Variants in KCNIP4 observed in about 807,000 individuals in gnomAD.
KCNIP4 encodes potassium voltage-gated channel interacting protein 4.
In KCNIP4, 12 loss-of-function variants were observed where a neutral mutation model predicts 34.0. The observed-to-expected ratio is 0.35, with a 90% CI of 0.23 to 0.57. The LOEUF (loss-of-function observed/expected upper bound fraction) is 0.57, where lower values mean the gene tolerates loss of function less well. KCNIP4 is among the 20% of genes least tolerant of loss of function. The probability of loss-of-function intolerance (pLI) is 0.83; values close to 1 mark genes in which losing one functional copy is unlikely to be tolerated. For synonymous variants in KCNIP4, 124 were observed against 102.2 expected (o/e 1.21, Z -1.29); for missense variants, 238 against 311.7 (o/e 0.76, Z 1.78).
chr4:21,744,115 TCTAATAAAC>T (rs1716610681), intron 1 of KCNIP4, among the ~76,000 whole-genome samples: 2 of 152,164 alleles, frequency 1.3e-5, no homozygotes, highest in Non-Finnish European at 2.9e-5. Context: ...GACTGGCTTT[TCTAATAAAC>T]ATTTTGCAGA....
At chr4:21,005,533 AT>A (rs1377570034) in intron 1 of KCNIP4, among the ~76,000 whole-genome samples, 1 of 152,182 alleles carries the variant, frequency 6.6e-6, no homozygotes, top group African/African-American at 2.4e-5. Context: ...TTTCATATTT[AT>A]TTATTACGTG....
Position 21,128,845 on chromosome 4 carries a change from T to C in KCNIP4, c.62-246136A>G, listed in dbSNP as rs75836615. Among the ~76,000 whole-genome samples the C allele has an allele frequency of 0.012, 1,876 of 152,324 alleles. 87 individuals are homozygous for C. The East Asian group carries it at 0.14, about 12-fold the overall frequency. On this transcript the variant is annotated intron_variant, in intron 1 of 8. Coordinates refer to ENST00000382152, the MANE Select transcript of KCNIP4 (RefSeq NM_025221.6). ...TTTAGATAAGTCTTGTGTTAAGAAC[T>C]GAATTCTGTGTGATAAGTAAAAGAT...
intron 1 of KCNIP4, among the ~76,000 whole-genome samples, chr4:21,348,072 G>C (rs1033057127): frequency 2.6e-5 from 4 of 152,168 alleles, no homozygotes; most frequent in African/African-American, 9.7e-5. Flanking sequence ...ATAAAGGCCA[G>C]CTGTGTGGCC....
At chr4:20,819,558 CATA>C (rs1324716166) in intron 3 of KCNIP4, among the ~76,000 whole-genome samples, 1 of 152,180 alleles carries the variant, frequency 6.6e-6, no homozygotes, top group Non-Finnish European at 1.5e-5. Flanking sequence ...GGCAAAAGAA[CATA>C]GCATATGCTC....
intron 1 of KCNIP4, among the ~76,000 whole-genome samples, chr4:21,747,507 G>A (rs143707061): frequency 9.2e-4 from 140 of 152,248 alleles, no homozygotes; most frequent in African/African-American, 3.1e-3. Context: ...AGGTTATAGA[G>A]TACTGTGCCA....
At position 20,983,828 on chromosome 4, in the gene KCNIP4, A is replaced by G. The variant is rs771201677; in HGVS notation, c.62-101119T>C. On this transcript the variant is annotated intron_variant, in intron 1 of 8. Transcript: ENST00000382152. ...GACCACTTTACCTTCCGAAAAATCAATCAGTCCCAGCAAATGAAGAAGCTT... is the reference window on the plus strand; with the variant it reads ...GACCACTTTACCTTCCGAAAAATCAGTCAGTCCCAGCAAATGAAGAAGCTT... The G allele has an allele frequency of 2.8e-5, 43 of 1,536,348 alleles. 1 individual carries two copies. Among genetic ancestry groups the G allele is most frequent in the South Asian group, 2.7e-4 (23 of 84,066 alleles).
intron 3 of KCNIP4, among the ~76,000 whole-genome samples, chr4:20,824,682 A>T (rs1465143081): frequency 6.6e-6 from 1 of 152,196 alleles, no homozygotes; most frequent in Non-Finnish European, 1.5e-5. Flanking sequence ...CCATCTCAAA[A>T]AAAATGTGAT....
chr4:21,694,924 A>AAAAAT (rs1453770505), intron 1 of KCNIP4, among the ~76,000 whole-genome samples: 2 of 94,800 alleles, frequency 2.1e-5, no homozygotes, highest in African/African-American at 4.0e-5. Flanking sequence ...CAAAAAAAAA[A>AAAAAT]AAAAAATAAA....
At chr4:21,558,792 G>T (rs961553760) in intron 1 of KCNIP4, among the ~76,000 whole-genome samples, 3 of 152,142 alleles carry the variant, frequency 2.0e-5, no homozygotes, top group African/African-American at 7.2e-5. Context: ...AGATTATGTA[G>T]ATTTTGCTTG....
At chr4:21,812,715 A>G (rs1192587037) in intron 1 of KCNIP4, among the ~76,000 whole-genome samples, 1 of 152,130 alleles carries the variant, frequency 6.6e-6, no homozygotes, top group East Asian at 1.9e-4. Context: ...TAGAAAATCA[A>G]CCACAAGAAC....
chr4:21,017,732 G>A (rs564686981), intron 1 of KCNIP4, among the ~76,000 whole-genome samples: 5 of 152,226 alleles, frequency 3.3e-5, no homozygotes, highest in South Asian at 2.1e-4. Flanking sequence ...GGGCCAAATC[G>A]TATTTCCAGT....
At chr4:21,697,663 C>CGGCTTCTCAGT in intron 1 of KCNIP4, 1 of 1,287,996 alleles carries the variant, frequency 7.8e-7, no homozygotes. Context: ...TGAGAAAACA[C>CGGCTTCTCAGT]GGCTTCTCAG....
At chr4:21,836,914 A>ATTTTTTTTTTTTTTTTTTTTTTTTTTTTT (rs201730191) in intron 1 of KCNIP4, among the ~76,000 whole-genome samples, 1 of 123,538 alleles carries the variant, frequency 8.1e-6, no homozygotes, top group Non-Finnish European at 1.6e-5. Flanking sequence ...GCTGGGATAA[A>ATTTTTTTTTTTTTTTTTTTTTTTTTTTTT]TTTTTTTTTT....
intron 3 of KCNIP4, among the ~76,000 whole-genome samples, chr4:20,786,465 G>A (rs1578616291): frequency 1.3e-5 from 2 of 152,218 alleles, no homozygotes; most frequent in Non-Finnish European, 2.9e-5. Flanking sequence ...AAAAGCCAAA[G>A]AGGCAAGTTA....
chr4:21,494,278 A>C (rs1446875759), intron 1 of KCNIP4, among the ~76,000 whole-genome samples: 1 of 152,176 alleles, frequency 6.6e-6, no homozygotes, highest in Non-Finnish European at 1.5e-5. Flanking sequence ...CAAGATAATT[A>C]ACTCAAAACT....
rs1746884518 is a variant in KCNIP4 at position 20,728,891 on chromosome 4, T to TGTGGCAACTTTACA, written c.*1177_*1190dup. 1 of 151,670 alleles carries TGTGGCAACTTTACA rather than the reference T, an allele frequency of 6.6e-6. No individual in the cohort carries two copies. The highest frequency in any genetic ancestry group is 1.5e-5 in the Non-Finnish European group (1 of 67,954). The allele number at this position is 151,670 out of a possible 1,614,324, so 9.4% of individuals were successfully genotyped here. A position where few individuals can be genotyped will look rare whatever the true frequency, so the allele number is the denominator to read the frequency against. ...GGGACGATGTGTGTGGCTTTAGTAA[T>TGTGGCAACTTTACA]GTGGCAACTTTACAGTTTTGGCTAA... On this transcript the variant is annotated 3_prime_UTR_variant, in exon 9 of 9. Coordinates refer to ENST00000382152, the MANE Select transcript of KCNIP4 (RefSeq NM_025221.6).
chr4:21,346,670 T>C (rs1320138602), intron 1 of KCNIP4, among the ~76,000 whole-genome samples: 1 of 152,118 alleles, frequency 6.6e-6, no homozygotes, highest in East Asian at 1.9e-4. Flanking sequence ...TCTCAAACTT[T>C]ATTGTGTATA....
chr4:21,869,019 C>T (rs1218961824), intron 1 of KCNIP4, among the ~76,000 whole-genome samples: 2 of 152,182 alleles, frequency 1.3e-5, no homozygotes, highest in African/African-American at 2.4e-5. Context: ...TTTCTCAGAA[C>T]ACTGAAAACC....
At chr4:21,726,327 G>A (rs571763857) in intron 1 of KCNIP4, among the ~76,000 whole-genome samples, 1 of 152,244 alleles carries the variant, frequency 6.6e-6, no homozygotes, top group African/African-American at 2.4e-5. Flanking sequence ...TCTCAAAGAG[G>A]CATGTCTTCT....
Sources: allele counts gnomAD v4.1 joint callset (sites outside exome capture counted in the v4.1 genomes callset), GRCh38; gene constraint gnomAD v4.1.1; transcripts MANE v1.5; gene names NCBI Gene and HGNC (gene_info 2026-07-23, HGNC 2026-07-21).